Variants in BOC observed in about 807,000 individuals in gnomAD.
BOC encodes BOC cell adhesion associated, oncogene regulated.
BOC carries 76 observed loss-of-function variants against 112.0 expected under a neutral mutation model. The observed-to-expected ratio is 0.68, with a 90% confidence interval of 0.56 to 0.82. BOC has a LOEUF of 0.82. BOC is among the 40% of genes least tolerant of loss of function. BOC has a pLI of 0.00. For missense variants in BOC, 1,309 were observed against 1,511.7 expected (o/e 0.87, Z 2.22); for synonymous variants, 580 against 599.8 (o/e 0.97, Z 0.48).
chr3:113,280,944 C>T (rs1186711278), intron 14 of BOC, 87 bp from the exon 15 acceptor site: 1 of 1,551,654 alleles, frequency 6.4e-7, no homozygotes. Context: ...CCCCCACACA[C>T]TGCCCCAGCT....
At chr3:113,231,712 C>T (rs868199169) in intron 2 of BOC, among the ~76,000 whole-genome samples, 6 of 152,166 alleles carry the variant, frequency 3.9e-5, no homozygotes, top group Admixed American at 6.5e-5. Flanking sequence ...AAATTATTTT[C>T]GGTGGCATAT....
chr3:113,283,578 C>T lies in BOC; in HGVS notation c.2602C>T (p.Leu868Phe), dbSNP rs1024245134. 1.2e-6 allele frequency: 2 copies of T among 1,613,874 alleles called. No homozygotes were observed. ...CGGGGTCGTCCTGGGCTCCATCGTT[C>T]TCATCATCGTCACCTTCATCCCCTT... The part of the protein sequence containing the change: ...IVGVVLGSIV[L>F]IIVTFIPFCL... Residue 868 changes from leucine to phenylalanine, a missense_variant, in exon 16 of 20, where the codon CTC becomes TTC. Physicochemically the swap from Leu to Phe is conservative, Grantham distance 22. Coordinates refer to ENST00000682979, the MANE Select transcript of BOC (RefSeq NM_001378074.1).
chr3:113,268,739 T>C (rs1947793639), intron 5 of BOC, among the ~76,000 whole-genome samples: 1 of 152,138 alleles, frequency 6.6e-6, no homozygotes. Flanking sequence ...TCTGAGTAGC[T>C]AGGACTACAG....
Position 113,250,541 on chromosome 3 carries a change from T to A in BOC, c.98-14T>A. On this transcript the variant is annotated splice_polypyrimidine_tract_variant and intron_variant, in intron 3 of 19. Transcript: ENST00000682979. Reference sequence around the variant, plus strand: ...GGGCATCAGTTCATTGCTGCATCCCTGTTCTTCCTCCAGACGAGGTCCCTC... The same window carrying A: ...GGGCATCAGTTCATTGCTGCATCCCAGTTCTTCCTCCAGACGAGGTCCCTC... The A allele has an allele frequency of 1.9e-6, 3 of 1,599,132 alleles. No homozygotes were observed. The highest frequency in any genetic ancestry group is 2.6e-6 in the Non-Finnish European group (3 of 1,172,660).
At chr3:113,217,027 G>C (rs1939527762) in intron 2 of BOC, among the ~76,000 whole-genome samples, 1 of 152,246 alleles carries the variant, frequency 6.6e-6, no homozygotes, top group Admixed American at 6.5e-5. Context: ...ACAAGATGAA[G>C]GTGGTGAAGT....
rs553205684 is a variant in BOC at position 113,286,500 on chromosome 3, T to C, written c.3161-175T>C. On this transcript the variant is annotated intron_variant, in intron 19 of 19. Coordinates refer to ENST00000682979, the MANE Select transcript of BOC (RefSeq NM_001378074.1). Reference sequence around the variant, plus strand: ...TGGGTGGCAAGTGGCCCTCCCTGTTTTGATGAGAGACCTTGGAGGGAACAG... The same window carrying C: ...TGGGTGGCAAGTGGCCCTCCCTGTTCTGATGAGAGACCTTGGAGGGAACAG... Among the ~76,000 whole-genome samples the C allele has an allele frequency of 9.2e-5, 14 of 152,202 alleles. No individual in the cohort carries two copies. In the East Asian group the frequency reaches 2.7e-3, roughly 29 times the overall value.
chr3:113,229,070 A>G (rs1287587552), intron 2 of BOC, among the ~76,000 whole-genome samples: 1 of 152,196 alleles, frequency 6.6e-6, no homozygotes, highest in African/African-American at 2.4e-5. Flanking sequence ...TCATTCCTGG[A>G]CTGGGAGGGC....
rs925329369 is a variant in BOC, at chr3:113,287,116, C to T, written c.*254C>T. 3.0e-5 allele frequency: 15 copies of T among 501,340 alleles called. No individual in the cohort carries two copies. Among genetic ancestry groups the T allele is most frequent in the South Asian group, 1.4e-4 (9 of 63,910 alleles). The allele number at this position is 501,340 out of a possible 1,614,324, so 31.1% of individuals were successfully genotyped here. A position where few individuals can be genotyped will look rare whatever the true frequency, so the allele number is the denominator to read the frequency against. ...CCCAGGAAAGCACCGCACAGGCTGG[C>T]GCGGGACAGACTCCTAACCTGGGGC... On this transcript the variant is annotated 3_prime_UTR_variant, in exon 20 of 20. Coordinates refer to ENST00000682979, the MANE Select transcript of BOC (RefSeq NM_001378074.1).
chr3:113,230,333 C>A (rs758176855), intron 2 of BOC, among the ~76,000 whole-genome samples: 1 of 152,184 alleles, frequency 6.6e-6, no homozygotes, highest in Non-Finnish European at 1.5e-5. Context: ...CCAATCCATC[C>A]TGAAACATGG....
chr3:113,271,412 C>A, intron 6 of BOC: 1 of 345,366 alleles, frequency 2.9e-6, no homozygotes, highest in African/African-American at 2.1e-5. Context: ...GGTGAGCTTC[C>A]GGGAGGCCCA....
Position 113,273,104 on chromosome 3 carries a change from G to T in BOC, c.997G>T (p.Val333Phe). ...PEVTMELSQLVIPWGQSAKLT... is the reference protein window; with the variant it reads ...PEVTMELSQLFIPWGQSAKLT... ...GGTCACCATGGAGCTATCCCAGCTGGTCATCCCCTGGGGCCAGAGTGCCAA... is the reference window on the plus strand; with the variant it reads ...GGTCACCATGGAGCTATCCCAGCTGTTCATCCCCTGGGGCCAGAGTGCCAA... The change falls in exon 8 of 20, where the codon GTC (valine) becomes TTC (phenylalanine). Residue 333 changes from valine (V) to phenylalanine (F), a missense_variant. By Grantham distance (50) the Val-to-Phe change is conservative. Coordinates refer to ENST00000682979, the MANE Select transcript of BOC (RefSeq NM_001378074.1). 1 of 1,609,594 alleles carries T rather than the reference G, an allele frequency of 6.2e-7. No homozygotes were observed. The highest frequency in any genetic ancestry group is 8.5e-7 in the Non-Finnish European group (1 of 1,176,390).
chr3:113,220,462 T>C (rs1297848511), intron 2 of BOC, among the ~76,000 whole-genome samples: 1 of 152,168 alleles, frequency 6.6e-6, no homozygotes, highest in East Asian at 1.9e-4. Flanking sequence ...TCCCTGTTTT[T>C]ATATGCTGCC....
chr3:113,234,883 C>T (rs1349182348), intron 2 of BOC, among the ~76,000 whole-genome samples: 4 of 152,196 alleles, frequency 2.6e-5, no homozygotes, highest in Non-Finnish European at 5.9e-5. Flanking sequence ...TGAGGGTTGG[C>T]TTGCTCCCTC....
Position 113,273,092 on chromosome 3 carries a change from C to T in BOC, c.985C>T (p.Leu329=), listed in dbSNP as rs757011564. 1.2e-6 allele frequency: 2 copies of T among 1,607,418 alleles called. No individual in the cohort carries two copies. Among genetic ancestry groups the T allele is most frequent in the South Asian group, 2.2e-5 (2 of 90,874 alleles). The change falls in exon 8 of 20, where the codon CTA becomes TTA. Residue 329 remains leucine (L), a synonymous_variant. Coordinates refer to ENST00000682979, the MANE Select transcript of BOC (RefSeq NM_001378074.1). ...AGAACCCCCTGAGGTCACCATGGAG[C>T]TATCCCAGCTGGTCATCCCCTGGGG... The part of the protein sequence containing the change: ...VFEPPEVTME[L]SQLVIPWGQS...
At chr3:113,258,714 T>C (rs1946495665) in intron 4 of BOC, among the ~76,000 whole-genome samples, 1 of 152,118 alleles carries the variant, frequency 6.6e-6, no homozygotes. Flanking sequence ...TGGGGCAGAG[T>C]GTGAGCCTGC....
At chr3:113,258,755 A>G (rs1278889010) in intron 4 of BOC, among the ~76,000 whole-genome samples, 1 of 152,230 alleles carries the variant, frequency 6.6e-6, no homozygotes, top group African/African-American at 2.4e-5. Flanking sequence ...ACAGCTCCAC[A>G]CAGGGGAATG....
chr3:113,258,349 G>A (rs1261821682), intron 4 of BOC, among the ~76,000 whole-genome samples: 1 of 152,112 alleles, frequency 6.6e-6, no homozygotes, highest in African/African-American at 2.4e-5. Context: ...CTAGCCACCA[G>A]GTGATTGTCT....
chr3:113,282,294 C>T (rs1949270268), intron 15 of BOC, among the ~76,000 whole-genome samples: 1 of 152,032 alleles, frequency 6.6e-6, no homozygotes, highest in Admixed American at 6.6e-5. Flanking sequence ...GGGTTGAGAA[C>T]TGGGGCTCTA....
intron 4 of BOC, among the ~76,000 whole-genome samples, chr3:113,266,008 G>A (rs534470331): frequency 1.9e-4 from 29 of 152,212 alleles, no homozygotes; most frequent in South Asian, 4.1e-4. Flanking sequence ...GGAATTTATC[G>A]TTTAGTTAGG....
Sources: gnomAD v4.1 joint callset for allele counts (sites outside exome capture counted in the v4.1 genomes callset) on GRCh38, gnomAD v4.1.1 for gene constraint, MANE v1.5 for transcripts, NCBI Gene and HGNC (gene_info 2026-07-23, HGNC 2026-07-21) for gene names.